MYO5B: variants seen among roughly 807,000 people sequenced by gnomAD.
MYO5B encodes the protein myosin VB.
A neutral mutation model predicts 229.3 loss-of-function variants in MYO5B; 143 were observed. That is an observed-to-expected ratio of 0.62 (90% CI 0.54 to 0.72). The LOEUF is 0.72. Ranked by LOEUF, MYO5B falls within the 30% of genes least tolerant of loss-of-function variation. MYO5B has a pLI of 0.00. For missense variants in MYO5B, 2,321 were observed against 2,331.0 expected (o/e 1.00, Z 0.09); for synonymous variants, 918 against 885.2 (o/e 1.04, Z -0.66).
chr18:49,855,435 T>G (rs1347381699), intron 30 of MYO5B, among the ~76,000 whole-genome samples: 1 of 152,212 alleles, frequency 6.6e-6, no homozygotes, highest in Non-Finnish European at 1.5e-5. Context: ...TGCCGATTCA[T>G]GAAACCATGT....
In MYO5B at chr18:49,963,026, C is replaced by T; in HGVS notation, c.1327G>A (p.Glu443Lys). Residue 443 changes from glutamate (E) to lysine (K), a missense_variant, in exon 11 of 40, where the codon GAG (glutamate) becomes AAG (lysine). Physicochemically the swap from Glu to Lys is moderately conservative, Grantham distance 56. This residue lies in a region of MYO5B where 2,113 missense variants were observed against 2,044.7 expected (regional missense o/e 1.03). Transcript: ENST00000285039. ...TCAAAGCTGTTTACCTCAAATGTCT[C>T]AAACCTACAGAATGGAAAGAGAAGA... ...FIGVLDIYGF[E>K]TFEVNSFEQF... 1 of 1,613,494 alleles carries T rather than the reference C, an allele frequency of 6.2e-7. No homozygotes were observed. Among genetic ancestry groups the T allele is most frequent in the Non-Finnish European group, 8.5e-7 (1 of 1,179,452 alleles).
intron 17 of MYO5B, among the ~76,000 whole-genome samples, chr18:49,912,563 C>T (rs2024970421): frequency 6.6e-6 from 1 of 152,152 alleles, no homozygotes; most frequent in African/African-American, 2.4e-5. Context: ...GTGGTTTCCC[C>T]CATACTGTTC....
chr18:50,079,296 T>C (rs1172828272), intron 1 of MYO5B, among the ~76,000 whole-genome samples: 1 of 152,248 alleles, frequency 6.6e-6, no homozygotes, highest in African/African-American at 2.4e-5. Context: ...TGTGTCTATA[T>C]TGTCTCCCCC....
At chr18:50,008,545 G>A (rs1243600908) in intron 4 of MYO5B, among the ~76,000 whole-genome samples, 1 of 152,176 alleles carries the variant, frequency 6.6e-6, no homozygotes. Flanking sequence ...ACTGACTTGT[G>A]TGTGTGGGGA....
chr18:49,837,614 C>A lies in MYO5B; in HGVS notation c.5041G>T (p.Val1681Leu), dbSNP rs200540643. The A allele has an allele frequency of 9.3e-5, 150 of 1,613,960 alleles. No individual in the cohort carries two copies. The Middle Eastern group carries it at 1.2e-3, about 12-fold the overall frequency. ...ATCATGTAGAAGAGCTGTTTGAATA[C>A]CTGCAGGATGATCTCAGGGTCCAAG... Reference protein sequence around the residue: ...QGLDPEIILQVFKQLFYMINA... With the variant: ...QGLDPEIILQLFKQLFYMINA... The change falls in exon 37 of 40, where the codon GTA (valine) becomes TTA (leucine). Residue 1681 changes from valine (V) to leucine (L), a missense_variant. Transcript: ENST00000285039.
At chr18:49,915,870 G>C (rs751227367) in intron 17 of MYO5B, among the ~76,000 whole-genome samples, 1 of 152,044 alleles carries the variant, frequency 6.6e-6, no homozygotes, top group South Asian at 2.1e-4. Context: ...TTCCTGTCTC[G>C]GCCCCCAAGT....
chr18:50,011,165 AC>A (rs976248444), intron 4 of MYO5B, among the ~76,000 whole-genome samples: 1 of 152,090 alleles, frequency 6.6e-6, no homozygotes, highest in African/African-American at 2.4e-5. Context: ...ACATGGTGAA[AC>A]CCTGACTCTA....
At chr18:50,125,254 G>A (rs1443533042) in intron 1 of MYO5B, among the ~76,000 whole-genome samples, 2 of 151,774 alleles carry the variant, frequency 1.3e-5, no homozygotes, top group African/African-American at 2.4e-5. Flanking sequence ...CCATCATTCC[G>A]AGCAAACTGT....
chr18:49,843,421 A>C, intron 33 of MYO5B, 29 bp from the exon 34 acceptor site: 11 of 1,613,724 alleles, frequency 6.8e-6, no homozygotes, highest in Non-Finnish European at 8.5e-6. Flanking sequence ...GCAAATGGCA[A>C]GTTAGATCTA....
intron 16 of MYO5B, 94 bp from the exon 17 acceptor site, chr18:49,929,692 T>C: frequency 9.1e-7 from 1 of 1,097,490 alleles, no homozygotes; most frequent in East Asian, 2.6e-5. Flanking sequence ...TCCTGCAGCA[T>C]GTGAAGTACC....
intron 1 of MYO5B, among the ~76,000 whole-genome samples, chr18:50,171,988 T>C (rs1376923491): frequency 1.3e-5 from 2 of 150,788 alleles, no homozygotes; most frequent in African/African-American, 2.4e-5. Flanking sequence ...TAAACCAGAA[T>C]GGCTGTTCAG....
At chr18:50,122,626 A>AG (rs150715257) in intron 1 of MYO5B, among the ~76,000 whole-genome samples, 2 of 9,094 alleles carry the variant, frequency 2.2e-4, no homozygotes, top group African/African-American at 1.3e-3. Context: ...GAGGGAGGGA[A>AG]GGGGGGGGGA....
chr18:50,034,573 G>C (rs573459519), intron 4 of MYO5B, among the ~76,000 whole-genome samples: 1 of 152,182 alleles, frequency 6.6e-6, no homozygotes, highest in African/African-American at 2.4e-5. Flanking sequence ...GTGAAACCCC[G>C]TCCCTACTAA....
intron 1 of MYO5B, among the ~76,000 whole-genome samples, chr18:50,105,921 A>G (rs2031751272): frequency 6.6e-6 from 1 of 152,126 alleles, no homozygotes; most frequent in Non-Finnish European, 1.5e-5. Context: ...AAAGACTCAC[A>G]TAAACACATA....
chr18:50,186,488 G>A (rs955486534), intron 1 of MYO5B, among the ~76,000 whole-genome samples: 26 of 152,308 alleles, frequency 1.7e-4, no homozygotes, highest in Middle Eastern at 3.4e-3. Flanking sequence ...TTCCCCAGGG[G>A]TGGTGGGGAG....
chr18:49,890,419 C>T (rs997248569), intron 22 of MYO5B, among the ~76,000 whole-genome samples: 3 of 152,186 alleles, frequency 2.0e-5, no homozygotes, highest in African/African-American at 7.2e-5. Flanking sequence ...CAACATTACT[C>T]AGTGTTTCTT....
At chr18:49,943,668 C>A (rs1343027778) in intron 14 of MYO5B, among the ~76,000 whole-genome samples, 1 of 152,166 alleles carries the variant, frequency 6.6e-6, no homozygotes, top group Admixed American at 6.5e-5. Flanking sequence ...AAATATGCAA[C>A]AAATGTTGTG....
At chr18:49,972,339 G>C (rs938712642) in intron 10 of MYO5B, among the ~76,000 whole-genome samples, 8 of 152,148 alleles carry the variant, frequency 5.3e-5, no homozygotes, top group African/African-American at 1.7e-4. Context: ...AGCCCCACGA[G>C]CCCAGCTCAC....
At chr18:50,033,486 C>A (rs2026412843) in intron 4 of MYO5B, among the ~76,000 whole-genome samples, 1 of 152,158 alleles carries the variant, frequency 6.6e-6, no homozygotes, top group Non-Finnish European at 1.5e-5. Flanking sequence ...GACAGTGAGC[C>A]CCTTAAGAAG....
Sources: gnomAD v4.1 joint callset for allele counts (sites outside exome capture counted in the v4.1 genomes callset) on GRCh38, gnomAD v4.1.1 for gene constraint, gnomAD v4.1.1 regional missense constraint, MANE v1.5 for transcripts, NCBI Gene and HGNC (gene_info 2026-07-23, HGNC 2026-07-21) for gene names.